Variants in CTPS2 observed in about 807,000 individuals in gnomAD.
CTPS2 encodes the protein CTP synthase II.
A neutral mutation model predicts 46.8 loss-of-function variants in CTPS2; 19 were observed. The ratio of observed to expected loss-of-function variants is 0.41; its 90% CI spans 0.28 to 0.60. The LOEUF is 0.60. CTPS2 is among the 20% of genes least tolerant of loss of function. The pLI is 0.35. For synonymous variants in CTPS2, 151 were observed against 165.2 expected (o/e 0.91, Z 0.66); for missense variants, 286 against 447.6 (o/e 0.64, Z 3.26).
At chrX:16,699,740 C>G (rs144109027) in intron 2 of CTPS2, among the ~76,000 whole-genome samples, 205 of 112,175 alleles carry the variant, frequency 1.8e-3, no homozygotes, top group African/African-American at 6.3e-3. Flanking sequence ...AACCTTTCCC[C>G]TATTAAGGGA....
At chrX:16,683,437 A>G (rs1020871907) in intron 8 of CTPS2, among the ~76,000 whole-genome samples, 1 of 110,726 alleles carries the variant, frequency 9.0e-6, no homozygotes, top group Non-Finnish European at 1.9e-5. Context: ...GTCTCTACAA[A>G]AAAATACAAA....
chrX:16,599,843 T>C (rs1317520960), intron 17 of CTPS2, among the ~76,000 whole-genome samples: 1 of 107,177 alleles, frequency 9.3e-6, no homozygotes, highest in East Asian at 3.1e-4. Context: ...CACAGTGGTG[T>C]GACCTTGGCT....
intron 11 of CTPS2, 143 bp from the exon 12 acceptor site, chrX:16,667,867 G>C: frequency 1.9e-6 from 1 of 517,649 alleles, no homozygotes. Flanking sequence ...GCTCCCTGCT[G>C]TCCTCTCAGA....
chrX:16,703,968 TCAC>T, intron 1 of CTPS2, among the ~76,000 whole-genome samples: 1 of 105,269 alleles, frequency 9.5e-6, no homozygotes. Flanking sequence ...AGACAGGGTC[TCAC>T]TCTGTTGCCC....
At chrX:16,645,733 G>A (rs1185578806) in intron 13 of CTPS2, among the ~76,000 whole-genome samples, 1 of 112,923 alleles carries the variant, frequency 8.9e-6, no homozygotes, top group Non-Finnish European at 1.9e-5. Flanking sequence ...AATCCTCAGT[G>A]CAACAGTGTT....
chrX:16,668,478 G>A lies in CTPS2; in HGVS notation c.1190-754C>T, dbSNP rs771512139. Among the ~76,000 whole-genome samples the A allele has an allele frequency of 2.8e-4, 30 of 107,868 alleles. No homozygotes were observed. The Middle Eastern group carries it at 0.019, about 68-fold the overall frequency. The allele number at this position is 107,868 out of a possible 115,157, so 93.7% of individuals were successfully genotyped here. The stretch of plus-strand genomic sequence containing the variant: ...TGGGTGCCTGTAGTCCCAGCTACTC[G>A]GGAGGCTGAGGCAGGGGAGTGGCGT... On this transcript the variant is annotated intron_variant, in intron 11 of 18. Transcript: ENST00000359276.
chrX:16,597,356 G>C (rs988278133), intron 17 of CTPS2, among the ~76,000 whole-genome samples: 6 of 111,923 alleles, frequency 5.4e-5, no homozygotes, highest in Non-Finnish European at 1.1e-4. Context: ...AATCCATCTT[G>C]AATTGATTTT....
chrX:16,592,575 T>C (rs1054108415), intron 17 of CTPS2, among the ~76,000 whole-genome samples: 4 of 111,195 alleles, frequency 3.6e-5, no homozygotes, highest in African/African-American at 1.3e-4. Flanking sequence ...GATCAGCAAA[T>C]TGCACAGGAG....
At chrX:16,613,528 G>C (rs180734270) in intron 16 of CTPS2, among the ~76,000 whole-genome samples, 66 of 111,253 alleles carry the variant, frequency 5.9e-4, no homozygotes, top group African/African-American at 2.0e-3. Context: ...GGGAAGAAGA[G>C]CTAATATGTG....
At chrX:16,674,640 C>T (rs1362728067) in intron 10 of CTPS2, among the ~76,000 whole-genome samples, 2 of 104,483 alleles carry the variant, frequency 1.9e-5, no homozygotes, top group Admixed American at 2.1e-4. Context: ...AGATCGAGAC[C>T]ATCCTGGCTA....
intron 1 of CTPS2, among the ~76,000 whole-genome samples, chrX:16,709,625 C>T (rs969188319): frequency 4.6e-5 from 5 of 109,845 alleles, no homozygotes; most frequent in African/African-American, 1.3e-4. Context: ...CCAAGGCGGG[C>T]GGATCACAAG....
At chrX:16,667,746 C>A in intron 11 of CTPS2, 22 bp from the exon 12 acceptor site, 1 of 1,175,804 alleles carries the variant, frequency 8.5e-7, no homozygotes, top group Non-Finnish European at 1.2e-6. Flanking sequence ...AGCACATATG[C>A]AAAGCAAATG....
chrX:16,610,457 G>A (rs1229238880), intron 16 of CTPS2, among the ~76,000 whole-genome samples: 1 of 111,119 alleles, frequency 9.0e-6, no homozygotes, highest in Non-Finnish European at 1.9e-5. Context: ...CAGTAATAAG[G>A]AAATGATGAT....
intron 7 of CTPS2, among the ~76,000 whole-genome samples, chrX:16,690,108 C>G (rs375820508): frequency 9.2e-6 from 1 of 108,110 alleles, no homozygotes; most frequent in Non-Finnish European, 1.9e-5. Flanking sequence ...TGGTGGCTCA[C>G]GCCTGTAATT....
At chrX:16,604,362 A>G (rs145908404) in intron 17 of CTPS2, among the ~76,000 whole-genome samples, 131 of 112,834 alleles carry the variant, frequency 1.2e-3, no homozygotes, top group African/African-American at 4.0e-3. Flanking sequence ...AGCACTGTCC[A>G]AGGAAGAGAG....
At position 16,647,563 on chromosome X, in the gene CTPS2, C is replaced by T. The variant is rs370919619; in HGVS notation, c.1297-8320G>A. 8.2e-5 allele frequency among the ~76,000 whole-genome samples: 9 copies of T among 109,417 alleles called. 1 individual carries two copies. The highest frequency in any genetic ancestry group is 3.0e-4 in the Admixed American group (3 of 10,125). On this transcript the variant is annotated intron_variant, in intron 13 of 18. Coordinates refer to ENST00000359276, the MANE Select transcript of CTPS2 (RefSeq NM_175859.3). ...GATTATAGGCGTGAACCACCGTGCC[C>T]GGCCGCATTGGGCTGATTCTAATCA... is the stretch of plus-strand genomic sequence containing the variant.
chrX:16,664,782 A>G (rs1602226184), intron 13 of CTPS2, among the ~76,000 whole-genome samples: 1 of 111,677 alleles, frequency 9.0e-6, no homozygotes, highest in South Asian at 3.8e-4. Flanking sequence ...AGGTACTTTT[A>G]GTGTCACAGT....
chrX:16,661,891 T>G (rs1318076879), intron 13 of CTPS2, among the ~76,000 whole-genome samples: 1 of 110,572 alleles, frequency 9.0e-6, no homozygotes, highest in East Asian at 2.8e-4. Flanking sequence ...TAATATCTTA[T>G]GTAAATTTAG....
At chrX:16,670,758 G>T in intron 10 of CTPS2, 84 bp from the exon 11 acceptor site, 1 of 588,816 alleles carries the variant, frequency 1.7e-6, no homozygotes, top group Non-Finnish European at 2.7e-6. Context: ...GCAATGCTTG[G>T]TCCAATCACT....
Sources: gnomAD v4.1 joint callset for allele counts (sites outside exome capture counted in the v4.1 genomes callset) on GRCh38, gnomAD v4.1.1 for gene constraint, MANE v1.5 for transcripts, NCBI Gene and HGNC (gene_info 2026-07-23, HGNC 2026-07-21) for gene names.